Variants in WDR11 observed in about 807,000 individuals in gnomAD.
WDR11 encodes WD repeat-containing protein 11.
Under a neutral mutation model 151.2 loss-of-function variants are expected in WDR11, and 83 were observed. That is an observed-to-expected ratio of 0.55 (90% confidence interval 0.46 to 0.66). The LOEUF (loss-of-function observed/expected upper bound fraction) is 0.66, where lower values mean the gene tolerates loss of function less well. Among genes scored for constraint, WDR11 ranks in the 30% least tolerant of loss-of-function variants. The pLI is 0.00. For synonymous variants in WDR11, 484 were observed against 533.1 expected (o/e 0.91, Z 1.27); for missense variants, 1,301 against 1,480.9 (o/e 0.88, Z 1.99).
At chr10:120,888,414 C>G (rs1356030069) in intron 16 of WDR11, among the ~76,000 whole-genome samples, 1 of 152,208 alleles carries the variant, frequency 6.6e-6, no homozygotes, top group African/African-American at 2.4e-5. Context: ...GGCTGCTGAG[C>G]CCTCCATGAT....
At chr10:120,859,758 A>G (rs1001738578) in intron 3 of WDR11, among the ~76,000 whole-genome samples, 12 of 152,174 alleles carry the variant, frequency 7.9e-5, no homozygotes, top group African/African-American at 2.7e-4. Flanking sequence ...TTCCACAGAA[A>G]CATTAGGAAA....
At chr10:120,900,829 T>G (rs949468916) in intron 20 of WDR11, among the ~76,000 whole-genome samples, 1 of 152,236 alleles carries the variant, frequency 6.6e-6, no homozygotes, top group Non-Finnish European at 1.5e-5. Context: ...CTCATTTTCT[T>G]GTTTTTGACT....
chr10:120,852,463 GC>G, intron 1 of WDR11, 60 bp from the exon 2 acceptor site: 1 of 1,402,962 alleles, frequency 7.1e-7, no homozygotes. Flanking sequence ...TTTAGGCTTG[GC>G]AAGAAAGAAG....
intron 27 of WDR11, 181 bp downstream of exon 27, chr10:120,906,202 G>T (rs757583785): frequency 2.6e-5 from 39 of 1,488,508 alleles, no homozygotes; most frequent in Non-Finnish European, 3.2e-5. Flanking sequence ...ATCTTCATTC[G>T]GTCTAGGAGC....
In WDR11 at chr10:120,885,891, C is replaced by G. The variant is rs141295889; in HGVS notation, c.1926C>G (p.Thr642=). 1.8e-5 allele frequency: 29 copies of G among 1,613,772 alleles called. No homozygotes were observed. The African/African-American group carries it at 3.5e-4, about 19-fold the overall frequency. Residue 642 remains threonine (T), a synonymous_variant, in exon 15 of 29, where the codon ACC becomes ACG. Transcript: ENST00000263461. ...LATREAMARQ[T]VVSDTELSIV... Reference sequence around the variant, plus strand: ...CTCGAGAGGCCATGGCCCGCCAGACCGTAGTCTCAGACACAGAGCTGAGTA... The same window carrying G: ...CTCGAGAGGCCATGGCCCGCCAGACGGTAGTCTCAGACACAGAGCTGAGTA...
chr10:120,866,197 A>G (rs1846306349), intron 7 of WDR11, among the ~76,000 whole-genome samples: 2 of 152,316 alleles, frequency 1.3e-5, no homozygotes, highest in East Asian at 3.9e-4. Flanking sequence ...TGTAAAGATC[A>G]AAGTGATTTT....
intron 2 of WDR11, among the ~76,000 whole-genome samples, chr10:120,853,073 A>G (rs1845834786): frequency 6.6e-6 from 1 of 151,660 alleles, no homozygotes; most frequent in Admixed American, 6.6e-5. Flanking sequence ...TACAGTTTCA[A>G]GACTAGTAGA....
In WDR11 at chr10:120,904,126, T is replaced by C; in HGVS notation, c.3011T>C (p.Leu1004Pro). The C allele has an allele frequency of 6.2e-7, 1 of 1,613,010 alleles. No individual in the cohort carries two copies. The highest frequency in any genetic ancestry group is 8.5e-7 in the Non-Finnish European group (1 of 1,179,102). ...YDHTRKCTDQ[L>P]LLLGQTDRAV... The stretch of plus-strand genomic sequence containing the variant: ...CATACAAGGAAATGTACAGACCAGC[T>C]ACTGCTCTTGGGTCAAGTATGTCAG... The change falls in exon 24 of 29, where the codon CTA (leucine) becomes CCA (proline). Residue 1004 changes from leucine to proline, a missense_variant. This residue lies in a region of WDR11 where 589 missense variants were observed against 670.6 expected (regional missense o/e 0.88). Coordinates refer to ENST00000263461, the MANE Select transcript of WDR11 (RefSeq NM_018117.12).
chr10:120,866,651 C>T lies in WDR11; in HGVS notation c.1077C>T (p.Phe359=), dbSNP rs1846323409. The stretch of plus-strand genomic sequence containing the variant: ...GGGTGACAAAAACCGTCCGTCCCTT[C>T]AGTATGGTGTGCTGTCCTGTCAATG... ...AIRVTKTVRP[F]SMVCCPVNEN... The change falls in exon 8 of 29, where the codon TTC becomes TTT. Residue 359 remains phenylalanine, a synonymous_variant. Transcript: ENST00000263461. 2 of 1,614,068 alleles carry T rather than the reference C, an allele frequency of 1.2e-6. No homozygotes were observed. Among genetic ancestry groups the T allele is most frequent in the Admixed American group, 3.3e-5 (2 of 60,006 alleles).
chr10:120,878,611 G>GA (rs1846887888), intron 12 of WDR11, 152 bp downstream of exon 12: 1 of 639,824 alleles, frequency 1.6e-6, no homozygotes, highest in Non-Finnish European at 2.7e-6. Flanking sequence ...AATTGCCCTA[G>GA]AAAGGCCTCA....
intron 11 of WDR11, among the ~76,000 whole-genome samples, chr10:120,877,180 C>T (rs1846824495): frequency 6.6e-6 from 1 of 152,080 alleles, no homozygotes; most frequent in Non-Finnish European, 1.5e-5. Context: ...TTGACTTATA[C>T]ATGTTAAGAT....
rs1483567107 is a variant in WDR11 at position 120,866,669 on chromosome 10, T to C, written c.1095T>C (p.Pro365=). 3 of 1,614,090 alleles carry C rather than the reference T, an allele frequency of 1.9e-6. No individual in the cohort carries two copies. Among genetic ancestry groups the C allele is most frequent in the African/African-American group, 2.7e-5 (2 of 74,934 alleles). The change falls in exon 8 of 29, where the codon CCT becomes CCC. Residue 365 remains proline (P), a synonymous_variant. Transcript: ENST00000263461. ...TVRPFSMVCC[P]VNENAAALVV... The stretch of plus-strand genomic sequence containing the variant: ...GTCCCTTCAGTATGGTGTGCTGTCC[T>C]GTCAATGAGAATGCAGCCGCCCTCG...
intron 4 of WDR11, among the ~76,000 whole-genome samples, chr10:120,861,540 A>T (rs936239871): frequency 6.6e-6 from 1 of 152,228 alleles, no homozygotes; most frequent in Non-Finnish European, 1.5e-5. Context: ...AAAAGGCAAC[A>T]AGGCTTTCAG....
chr10:120,908,346 G>C (rs1197543720), intron 28 of WDR11: 2 of 599,908 alleles, frequency 3.3e-6, no homozygotes, highest in Non-Finnish European at 6.0e-6. Flanking sequence ...GGTAATGATG[G>C]TACAGACTGA....
intron 14 of WDR11, 99 bp downstream of exon 14, chr10:120,883,987 AT>A (rs1478491373): frequency 1.1e-5 from 11 of 999,086 alleles, no homozygotes; most frequent in Non-Finnish European, 1.4e-5. Flanking sequence ...TGCCAATGTC[AT>A]TTTTTTGGTT....
chr10:120,880,123 G>A (rs918151512), intron 12 of WDR11: 18 of 152,240 alleles, frequency 1.2e-4, no homozygotes, highest in African/African-American at 4.3e-4. Context: ...GGAAACATGG[G>A]AATGTTTGTA....
intron 19 of WDR11, among the ~76,000 whole-genome samples, chr10:120,898,394 TC>T (rs1442099741): frequency 6.6e-6 from 1 of 152,230 alleles, no homozygotes; most frequent in African/African-American, 2.4e-5. Flanking sequence ...AATGACTGAA[TC>T]AATAATCACT....
chr10:120,887,688 G>A (rs1036251833), intron 16 of WDR11, among the ~76,000 whole-genome samples: 1 of 152,154 alleles, frequency 6.6e-6, no homozygotes, highest in Non-Finnish European at 1.5e-5. Flanking sequence ...GGCTGTTGAC[G>A]AGGGACCTTA....
chr10:120,851,818 C>G (rs940290279), intron 1 of WDR11: 1 of 488,108 alleles, frequency 2.0e-6, no homozygotes, highest in Non-Finnish European at 3.7e-6. Context: ...CCAGGCTTCT[C>G]TCTCTCCACC....
Sources: gnomAD v4.1 joint callset for allele counts (sites outside exome capture counted in the v4.1 genomes callset) on GRCh38, gnomAD v4.1.1 for gene constraint, gnomAD v4.1.1 regional missense constraint, MANE v1.5 for transcripts, NCBI Gene and HGNC (gene_info 2026-07-23, HGNC 2026-07-21) for gene names.